The following PTPRD variants were observed in gnomAD, a reference collection of about 807,000 sequenced individuals.
PTPRD encodes the protein receptor-type tyrosine-protein phosphatase delta.
In PTPRD, 34 loss-of-function variants were observed where a neutral mutation model predicts 214.5. The ratio of observed to expected loss-of-function variants is 0.16; its 90% CI spans 0.12 to 0.21. The LOEUF is 0.21. Among genes scored for constraint, PTPRD ranks in the 10% least tolerant of loss-of-function variants. The pLI, the probability that PTPRD is intolerant of heterozygous loss-of-function variation, is 1.00. For missense variants in PTPRD, 2,545 were observed against 2,398.7 expected (o/e 1.06, Z -1.27); for synonymous variants, 1,128 against 845.7 (o/e 1.33, Z -5.79).
intron 10 of PTPRD, among the ~76,000 whole-genome samples, chr9:9,039,711 C>A (rs1268808815): frequency 6.6e-6 from 1 of 152,206 alleles, no homozygotes; most frequent in Non-Finnish European, 1.5e-5. Context: ...GCTCACCCAA[C>A]AATATTTTGA....
At chr9:8,996,495 A>T (rs1274027699) in intron 11 of PTPRD, among the ~76,000 whole-genome samples, 1 of 152,084 alleles carries the variant, frequency 6.6e-6, no homozygotes, top group African/African-American at 2.4e-5. Context: ...TGCAAAGAGG[A>T]ATGAAGGGAT....
chr9:9,368,707 T>C (rs2058573331), intron 9 of PTPRD, among the ~76,000 whole-genome samples: 1 of 151,806 alleles, frequency 6.6e-6, no homozygotes, highest in South Asian at 2.1e-4. Flanking sequence ...GTAGGAAAAA[T>C]ATTCCTATTT....
At chr9:8,977,402 T>C (rs936905398) in intron 11 of PTPRD, among the ~76,000 whole-genome samples, 5 of 152,230 alleles carry the variant, frequency 3.3e-5, no homozygotes, top group Middle Eastern at 3.4e-3. Flanking sequence ...TTAGTATTTC[T>C]AAATTATCTT....
intron 2 of PTPRD, among the ~76,000 whole-genome samples, chr9:10,520,662 A>T (rs1166181427): frequency 6.6e-6 from 1 of 152,118 alleles, no homozygotes; most frequent in Non-Finnish European, 1.5e-5. Context: ...GCTTCCAAGG[A>T]CAGGTTGACT....
intron 10 of PTPRD, among the ~76,000 whole-genome samples, chr9:9,089,570 T>C (rs59772000): frequency 0.053 from 8,092 of 152,264 alleles, 481 homozygotes; most frequent in African/African-American, 0.14. Flanking sequence ...ACAAATTGAT[T>C]CCATGTAGCA....
At chr9:9,088,824 G>A (rs1017690908) in intron 10 of PTPRD, among the ~76,000 whole-genome samples, 1 of 152,058 alleles carries the variant, frequency 6.6e-6, no homozygotes, top group African/African-American at 2.4e-5. Context: ...ACTTGACCCT[G>A]TCACTTCATA....
At chr9:8,811,629 C>CT (rs575790950) in intron 11 of PTPRD, among the ~76,000 whole-genome samples, 9,442 of 148,310 alleles carry the variant, frequency 0.064, 919 homozygotes, top group African/African-American at 0.21. Context: ...CAAAGATGAA[C>CT]TTTTTTTTTT....
chr9:10,039,190 A>T (rs1329340983), intron 3 of PTPRD, among the ~76,000 whole-genome samples: 2 of 152,116 alleles, frequency 1.3e-5, no homozygotes, highest in African/African-American at 4.8e-5. Flanking sequence ...AAAAACTTGA[A>T]ATCATCTACA....
At chr9:9,314,319 T>G (rs1340731352) in intron 9 of PTPRD, among the ~76,000 whole-genome samples, 1 of 152,128 alleles carries the variant, frequency 6.6e-6, no homozygotes, top group East Asian at 1.9e-4. Flanking sequence ...ACTGAATGAG[T>G]TGAAGAAACA....
At chr9:9,959,737 T>C (rs1416031792) in intron 4 of PTPRD, among the ~76,000 whole-genome samples, 1 of 152,162 alleles carries the variant, frequency 6.6e-6, no homozygotes, top group African/African-American at 2.4e-5. Context: ...ATTCTGATAC[T>C]GCTACATGAA....
In PTPRD at chr9:8,521,427, A is replaced by C. The variant is rs141255147; in HGVS notation, c.811T>G (p.Leu271Val). The change falls in exon 20 of 46, where the codon TTG becomes GTG. Residue 271 changes from leucine (L) to valine (V), a missense_variant. Coordinates refer to ENST00000381196, the MANE Select transcript of PTPRD (RefSeq NM_002839.4). ...GSPMPYVKWM[L>V]GAEDLTPEDD... ...TCAGGTGTCAGATCTTCTGCCCCCAACATCCACTTTACATAAGGCATTGGT... is the reference window on the plus strand; with the variant it reads ...TCAGGTGTCAGATCTTCTGCCCCCACCATCCACTTTACATAAGGCATTGGT... The C allele has an allele frequency of 2.5e-6, 4 of 1,614,008 alleles. No individual in the cohort carries two copies. The highest frequency in any genetic ancestry group is 2.5e-6 in the Non-Finnish European group (3 of 1,179,920).
rs572282032 is a variant in PTPRD, at chr9:9,248,065, G to A, written c.-202-64702C>T. Among the ~76,000 whole-genome samples, 200 of 151,894 alleles carry A rather than the reference G, an allele frequency of 1.3e-3. 1 individual carries two copies. Among genetic ancestry groups the A allele is most frequent in the South Asian group, 4.0e-3 (19 of 4,800 alleles). On this transcript the variant is annotated intron_variant, in intron 9 of 45. Coordinates refer to ENST00000381196, the MANE Select transcript of PTPRD (RefSeq NM_002839.4). ...GTGTTAAGTCATTGAGTAAACGGAG[G>A]AAGCAATGAGCTCCTAAGTTATCTA...
At chr9:9,898,546 T>A (rs1006824616) in intron 5 of PTPRD, among the ~76,000 whole-genome samples, 6 of 152,090 alleles carry the variant, frequency 3.9e-5, no homozygotes, top group African/African-American at 1.4e-4. Context: ...ACGCTCTAGA[T>A]GCGCATGCTA....
intron 9 of PTPRD, among the ~76,000 whole-genome samples, chr9:9,319,182 A>G (rs1965100381): frequency 6.6e-6 from 1 of 152,206 alleles, no homozygotes; most frequent in African/African-American, 2.4e-5. Flanking sequence ...CCTTGAAAAC[A>G]GAATGAATGA....
chr9:8,338,837 G>C (rs1849505698), intron 43 of PTPRD, 85 bp downstream of exon 43: 2 of 1,213,668 alleles, frequency 1.6e-6, no homozygotes, highest in East Asian at 2.6e-5. Context: ...CAAGTGGCAA[G>C]TGCTTCTCCC....
At chr9:9,442,509 G>C (rs1466603802) in intron 8 of PTPRD, 2 of 152,138 alleles carry the variant, frequency 1.3e-5, no homozygotes, top group African/African-American at 4.8e-5. Context: ...AACAGATACT[G>C]TAATTTAGAT....
intron 21 of PTPRD, among the ~76,000 whole-genome samples, chr9:8,514,894 G>C (rs1436832423): frequency 6.6e-6 from 1 of 152,082 alleles, no homozygotes; most frequent in Non-Finnish European, 1.5e-5. Context: ...TCGTGATAGT[G>C]AGTGAATTCT....
intron 12 of PTPRD, among the ~76,000 whole-genome samples, chr9:8,676,966 T>C (rs1170185935): frequency 2.0e-5 from 3 of 152,188 alleles, no homozygotes; most frequent in Non-Finnish European, 4.4e-5. Context: ...AATGCCTGAA[T>C]GAAATGAACG....
intron 7 of PTPRD, among the ~76,000 whole-genome samples, chr9:9,686,265 T>A (rs775848437): frequency 2.8e-4 from 42 of 148,306 alleles, no homozygotes; most frequent in African/African-American, 1.0e-3. Flanking sequence ...TGAAAATTAA[T>A]CCTCTCATAT....
Sources: gnomAD v4.1 joint callset for allele counts (sites outside exome capture counted in the v4.1 genomes callset) on GRCh38, gnomAD v4.1.1 for gene constraint, MANE v1.5 for transcripts, NCBI Gene and HGNC (gene_info 2026-07-23, HGNC 2026-07-21) for gene names.